DNAJB6: variants seen among roughly 807,000 people sequenced by gnomAD.
DNAJB6 encodes dnaJ homolog subfamily B member 6.
A neutral mutation model predicts 42.7 loss-of-function variants in DNAJB6; 16 were observed. The ratio of observed to expected loss-of-function variants is 0.37; its 90% CI spans 0.25 to 0.57. The LOEUF (loss-of-function observed/expected upper bound fraction) is 0.57, where lower values mean the gene tolerates loss of function less well. Ranked by LOEUF, DNAJB6 falls within the 20% of genes least tolerant of loss-of-function variation. DNAJB6 has a pLI of 0.74. For synonymous variants in DNAJB6, 170 were observed against 163.5 expected (o/e 1.04, Z -0.30); for missense variants, 347 against 416.8 (o/e 0.83, Z 1.46).
intron 9 of DNAJB6, 157 bp downstream of exon 9, chr7:157,410,158 C>T: frequency 7.1e-7 from 1 of 1,402,150 alleles, no homozygotes; most frequent in Non-Finnish European, 9.2e-7. Context: ...TCGCTCTGCT[C>T]CTCTCCCGCT....
intron 1 of DNAJB6, among the ~76,000 whole-genome samples, chr7:157,344,170 C>T (rs1482541042): frequency 2.0e-5 from 3 of 152,164 alleles, no homozygotes; most frequent in African/African-American, 7.2e-5. Context: ...GAAACCCCAT[C>T]TCTACTAAAA....
chr7:157,358,497 T>C, intron 1 of DNAJB6, 50 bp from the exon 2 acceptor site: 1 of 1,243,480 alleles, frequency 8.0e-7, no homozygotes, highest in Non-Finnish European at 1.2e-6. Flanking sequence ...ACCACCGTGA[T>C]TTGCCCATCC....
At position 157,366,653 on chromosome 7, in the gene DNAJB6, G is replaced by A. The variant is rs540049335; in HGVS notation, c.235+92G>A. ...GAGTCTCTTGGTCAGAGTCGATTTTGTATCAGTAAATAGAGATGCAACGTA... is the reference window on the plus strand; with the variant it reads ...GAGTCTCTTGGTCAGAGTCGATTTTATATCAGTAAATAGAGATGCAACGTA... On this transcript the variant is annotated intron_variant, in intron 4 of 9. Coordinates refer to ENST00000262177, the MANE Select transcript of DNAJB6 (RefSeq NM_058246.4). 329 of 1,193,146 alleles carry A rather than the reference G, an allele frequency of 2.8e-4. 1 individual carries two copies. Among genetic ancestry groups the A allele is most frequent in the Non-Finnish European group, 3.8e-4 (309 of 821,244 alleles). The allele number at this position is 1,193,146 out of a possible 1,614,324, so 73.9% of individuals were successfully genotyped here.
At chr7:157,345,575 A>T (rs1424604249) in intron 1 of DNAJB6, among the ~76,000 whole-genome samples, 1 of 152,004 alleles carries the variant, frequency 6.6e-6, no homozygotes, top group Non-Finnish European at 1.5e-5. Flanking sequence ...CACATTTCCA[A>T]GGTTGTTTCA....
At chr7:157,384,207 A>G (rs1420148156) in intron 6 of DNAJB6, among the ~76,000 whole-genome samples, 1 of 152,226 alleles carries the variant, frequency 6.6e-6, no homozygotes, top group African/African-American at 2.4e-5. Context: ...AATATCCATA[A>G]TGTATAATTG....
chr7:157,397,154 C>T (rs1563145930), intron 8 of DNAJB6, among the ~76,000 whole-genome samples: 1 of 152,314 alleles, frequency 6.6e-6, no homozygotes, highest in African/African-American at 2.4e-5. Context: ...AAGCCAGCCC[C>T]GTGCGTCTGT....
intron 1 of DNAJB6, among the ~76,000 whole-genome samples, chr7:157,346,918 C>T (rs1000243798): frequency 2.0e-5 from 3 of 152,072 alleles, no homozygotes; most frequent in Non-Finnish European, 4.4e-5. Flanking sequence ...TGCAGTGGTG[C>T]GATCTCGGCG....
chr7:157,338,678 G>C (rs1392769234), intron 1 of DNAJB6, among the ~76,000 whole-genome samples: 1 of 152,230 alleles, frequency 6.6e-6, no homozygotes, highest in East Asian at 1.9e-4. Context: ...AGCTCCCTTG[G>C]AGTTTGTGCT....
At chr7:157,362,775 T>C (rs1414997714) in intron 2 of DNAJB6, among the ~76,000 whole-genome samples, 1 of 152,244 alleles carries the variant, frequency 6.6e-6, no homozygotes, top group Non-Finnish European at 1.5e-5. Flanking sequence ...TATTATGCTA[T>C]CAGGATTTTT....
At chr7:157,370,251 A>G (rs1441164758) in intron 5 of DNAJB6, among the ~76,000 whole-genome samples, 1 of 151,002 alleles carries the variant, frequency 6.6e-6, no homozygotes, top group African/African-American at 2.4e-5. Flanking sequence ...CCCTTTCTTA[A>G]CATTATTATT....
Position 157,340,734 on chromosome 7 carries a change from T to C in DNAJB6, c.-27+3590T>C, listed in dbSNP as rs557158834. Reference sequence around the variant, plus strand: ...CTCTGTGTCCCAGGCTGGAGTGCAGTGGCGCGGTCTTGGCTCACTGCACTC... The same window carrying C: ...CTCTGTGTCCCAGGCTGGAGTGCAGCGGCGCGGTCTTGGCTCACTGCACTC... On this transcript the variant is annotated intron_variant, in intron 1 of 9. Transcript: ENST00000262177. Among the ~76,000 whole-genome samples the C allele has an allele frequency of 9.2e-5, 14 of 152,152 alleles. No homozygotes were observed. In the East Asian group the frequency reaches 2.1e-3, roughly 23 times the overall value.
rs542398661 is a variant in DNAJB6 at position 157,388,449 on chromosome 7, G to A, written c.691+2838G>A. On this transcript the variant is annotated intron_variant, in intron 8 of 9. Coordinates refer to ENST00000262177, the MANE Select transcript of DNAJB6 (RefSeq NM_058246.4). ...CTCTTTACTTGCTGTAGTGTTGAGCGCCTCTGAAAATAGGAAGCTGAACGC... is the reference window on the plus strand; with the variant it reads ...CTCTTTACTTGCTGTAGTGTTGAGCACCTCTGAAAATAGGAAGCTGAACGC... 2.6e-4 allele frequency among the ~76,000 whole-genome samples: 39 copies of A among 152,232 alleles called. No homozygotes were observed. In the South Asian group the frequency reaches 7.5e-3, roughly 29 times the overall value.
intron 4 of DNAJB6, 47 bp downstream of exon 4, chr7:157,366,608 A>C (rs1341363564): frequency 6.4e-7 from 1 of 1,557,054 alleles, no homozygotes; most frequent in East Asian, 2.2e-5. Flanking sequence ...CTTGGCAAGT[A>C]AGTTGAGTTT....
chr7:157,339,179 A>G (rs757769911), intron 1 of DNAJB6, among the ~76,000 whole-genome samples: 9 of 147,898 alleles, frequency 6.1e-5, no homozygotes, highest in Non-Finnish European at 1.2e-4. Context: ...ATTCCCTTCT[A>G]TTAACTCTGT....
intron 6 of DNAJB6, 71 bp downstream of exon 6, chr7:157,382,448 T>C: frequency 6.7e-7 from 1 of 1,486,532 alleles, no homozygotes; most frequent in East Asian, 2.3e-5. Context: ...TAATACTCTT[T>C]TAGTTAGAGT....
At chr7:157,354,510 C>T (rs1183870095) in intron 1 of DNAJB6, among the ~76,000 whole-genome samples, 9 of 151,568 alleles carry the variant, frequency 5.9e-5, no homozygotes, top group Admixed American at 1.3e-4. Context: ...AGACAGGTCT[C>T]GCTCTCACCC....
Position 157,417,144 on chromosome 7 carries a change from G to A in DNAJB6, c.*1046G>A, listed in dbSNP as rs1796123282. The A allele has an allele frequency of 6.6e-6, 1 of 152,196 alleles. No individual in the cohort carries two copies. Among genetic ancestry groups the A allele is most frequent in the South Asian group, 2.1e-4 (1 of 4,830 alleles). The allele number at this position is 152,196 out of a possible 1,614,324, so 9.4% of individuals were successfully genotyped here. A position where few individuals can be genotyped will look rare whatever the true frequency, so the allele number is the denominator to read the frequency against. ...TCTCCTTTGTCCTCTTGGACTTGAG[G>A]GCATTGTGAAAAGCTTTGCTGTGAT... On this transcript the variant is annotated 3_prime_UTR_variant, in exon 10 of 10. Coordinates refer to ENST00000262177, the MANE Select transcript of DNAJB6 (RefSeq NM_058246.4).
intron 8 of DNAJB6, among the ~76,000 whole-genome samples, chr7:157,395,623 A>G (rs183907582): frequency 6.6e-6 from 1 of 152,332 alleles, no homozygotes; most frequent in East Asian, 1.9e-4. Context: ...TTAGAAAAAT[A>G]AAATTTTGTG....
At chr7:157,394,478 G>A (rs969325876) in intron 8 of DNAJB6, among the ~76,000 whole-genome samples, 3 of 151,790 alleles carry the variant, frequency 2.0e-5, no homozygotes, top group Admixed American at 1.3e-4. Flanking sequence ...ACAGTGAGTC[G>A]TGATGACACC....
Sources: gnomAD v4.1 joint callset for allele counts (sites outside exome capture counted in the v4.1 genomes callset) on GRCh38, gnomAD v4.1.1 for gene constraint, MANE v1.5 for transcripts, NCBI Gene and HGNC (gene_info 2026-07-23, HGNC 2026-07-21) for gene names.